Variants in STARD13 observed in about 807,000 individuals in gnomAD.
STARD13 encodes the protein StAR related lipid transfer domain containing 13, also known as stAR-related lipid transfer protein 13.
STARD13 carries 62 observed loss-of-function variants against 106.4 expected under a neutral mutation model. That is an observed-to-expected ratio of 0.58 (90% CI 0.48 to 0.72). The LOEUF (loss-of-function observed/expected upper bound fraction) is 0.72. Ranked by LOEUF, STARD13 falls within the 30% of genes least tolerant of loss-of-function variation. The probability of loss-of-function intolerance (pLI) is 0.00; values close to 1 mark genes in which losing one functional copy is unlikely to be tolerated. For missense variants in STARD13, 1,387 were observed against 1,424.0 expected, an observed-to-expected ratio of 0.97 and a Z score of 0.42; for synonymous variants, 565 against 553.0, an observed-to-expected ratio of 1.02 and a Z score of -0.31.
At chr13:33,193,212 C>T (rs1886376371) in intron 1 of STARD13, among the ~76,000 whole-genome samples, 1 of 152,264 alleles carries the variant, frequency 6.6e-6, no homozygotes, top group Non-Finnish European at 1.5e-5. Flanking sequence ...CACATGTTCA[C>T]CACAGCAGCA....
the STARD13 span, among the ~76,000 whole-genome samples, chr13:33,538,832 T>G: frequency 6.6e-6 from 1 of 151,862 alleles, no homozygotes; most frequent in Non-Finnish European, 1.5e-5. Flanking sequence ...TGCAGTGTTA[T>G]AATCTCGGCT....
At chr13:33,409,927 G>A in the STARD13 span, among the ~76,000 whole-genome samples, 1 of 152,182 alleles carries the variant, frequency 6.6e-6, no homozygotes, top group African/African-American at 2.4e-5. Flanking sequence ...TACAGTCACA[G>A]CTTTTCCCAG....
At chr13:33,152,041 G>C (rs906528280) in intron 3 of STARD13, among the ~76,000 whole-genome samples, 2 of 152,158 alleles carry the variant, frequency 1.3e-5, no homozygotes, top group African/African-American at 4.8e-5. Context: ...GCTCATGTTT[G>C]GATATGTTAA....
the STARD13 span, among the ~76,000 whole-genome samples, chr13:33,617,287 C>T: frequency 2.6e-5 from 4 of 152,250 alleles, no homozygotes; most frequent in Middle Eastern, 3.4e-3. Context: ...GTATATTAGG[C>T]ACTCAATAGG....
At chr13:33,212,705 G>C (rs1436923210) in intron 1 of STARD13, among the ~76,000 whole-genome samples, 1 of 152,196 alleles carries the variant, frequency 6.6e-6, no homozygotes, top group African/African-American at 2.4e-5. Context: ...AGGTAATGTG[G>C]AGAACCAAAG....
chr13:33,350,625 GTTA>G (rs1238705736), upstream of STARD13: 12 of 1,364,488 alleles, frequency 8.8e-6, no homozygotes, highest in East Asian at 3.6e-4. Context: ...GCCGCGCTAG[GTTA>G]TTAACCTCTG....
upstream of STARD13, among the ~76,000 whole-genome samples, chr13:33,352,035 A>G (rs2078083744): frequency 1.3e-5 from 2 of 152,240 alleles, no homozygotes; most frequent in African/African-American, 4.8e-5. Context: ...AACTAGTGAA[A>G]CATACCTCAG....
the STARD13 span, among the ~76,000 whole-genome samples, chr13:33,380,942 C>T: frequency 6.6e-6 from 1 of 152,108 alleles, no homozygotes; most frequent in Middle Eastern, 3.2e-3. Flanking sequence ...TGAGTCCAGA[C>T]AGTGAATGGT....
chr13:33,531,990 C>T, the STARD13 span, among the ~76,000 whole-genome samples: 14 of 152,122 alleles, frequency 9.2e-5, no homozygotes, highest in African/African-American at 3.1e-4. Flanking sequence ...TGCTGTCCCC[C>T]CGTCCCCATC....
At chr13:33,307,228 C>T (rs1892943448) in intron 1 of STARD13, among the ~76,000 whole-genome samples, 2 of 152,158 alleles carry the variant, frequency 1.3e-5, no homozygotes, top group South Asian at 4.1e-4. Context: ...TTAGTTCAAT[C>T]ATTGTGGAAG....
At chr13:33,477,682 C>A in the STARD13 span, among the ~76,000 whole-genome samples, 1 of 152,128 alleles carries the variant, frequency 6.6e-6, no homozygotes, top group South Asian at 2.1e-4. Flanking sequence ...CATTCTTCAT[C>A]CCATTATTCC....
the STARD13 span, among the ~76,000 whole-genome samples, chr13:33,572,979 G>A: frequency 6.6e-6 from 1 of 152,128 alleles, no homozygotes; most frequent in Non-Finnish European, 1.5e-5. Flanking sequence ...TAATGCACAA[G>A]ATGACCCAGG....
At chr13:33,302,134 G>A (rs1336064361) in intron 1 of STARD13, among the ~76,000 whole-genome samples, 4 of 152,146 alleles carry the variant, frequency 2.6e-5, no homozygotes, top group African/African-American at 9.7e-5. Context: ...CTACCTGGAG[G>A]AAGAGTGCAA....
chr13:33,443,291 G>A, the STARD13 span, among the ~76,000 whole-genome samples: 2 of 151,210 alleles, frequency 1.3e-5, no homozygotes. Context: ...GCAGGAGAAT[G>A]CCTTGAACCC....
the STARD13 span, among the ~76,000 whole-genome samples, chr13:33,554,568 CTAT>C: frequency 6.6e-6 from 1 of 152,088 alleles, no homozygotes; most frequent in East Asian, 1.9e-4. Context: ...CAAATATCTG[CTAT>C]TATTATGCTA....
the STARD13 span, among the ~76,000 whole-genome samples, chr13:33,542,505 C>A: frequency 6.6e-6 from 1 of 152,274 alleles, no homozygotes; most frequent in Non-Finnish European, 1.5e-5. Flanking sequence ...GAAAAAGACG[C>A]ACACGCAGAC....
chr13:33,393,015 C>A, the STARD13 span, among the ~76,000 whole-genome samples: 1 of 152,150 alleles, frequency 6.6e-6, no homozygotes, highest in African/African-American at 2.4e-5. Flanking sequence ...TGCCTAAGAA[C>A]TTTTATAACT....
At chr13:33,605,152 T>G in the STARD13 span, among the ~76,000 whole-genome samples, 90 of 148,540 alleles carry the variant, frequency 6.1e-4, no homozygotes, top group Non-Finnish European at 7.4e-4. Context: ...GGTGGAAGGA[T>G]GGCTTGAGCT....
the STARD13 span, among the ~76,000 whole-genome samples, chr13:33,645,404 C>T: frequency 6.6e-6 from 1 of 152,134 alleles, no homozygotes; most frequent in Non-Finnish European, 1.5e-5. Context: ...TGGATTCACC[C>T]AGCTGAGCTC....
Sources: gnomAD v4.1 joint callset for allele counts (sites outside exome capture counted in the v4.1 genomes callset) on GRCh38, gnomAD v4.1.1 for gene constraint, MANE v1.5 for transcripts, NCBI Gene and HGNC (gene_info 2026-07-23, HGNC 2026-07-21) for gene names.